MACROD2: variants seen among roughly 807,000 people sequenced by gnomAD.
MACROD2 encodes the protein ADP-ribose glycohydrolase MACROD2.
Under a neutral mutation model 70.4 loss-of-function variants are expected in MACROD2, and 36 were observed. The observed-to-expected ratio is 0.51, with a 90% CI of 0.39 to 0.68. MACROD2 has a LOEUF of 0.68. Ranked by LOEUF, MACROD2 falls within the 30% of genes least tolerant of loss-of-function variation. MACROD2 has a pLI of 0.00. For missense variants in MACROD2, 496 were observed against 538.4 expected, an observed-to-expected ratio of 0.92 and a Z score of 0.78; for synonymous variants, 172 against 178.8, an observed-to-expected ratio of 0.96 and a Z score of 0.30.
chr20:14,841,683 A>G (rs1420139174), intron 5 of MACROD2, among the ~76,000 whole-genome samples: 2 of 152,122 alleles, frequency 1.3e-5, no homozygotes, highest in Admixed American at 1.3e-4. Context: ...CTGCAAAACA[A>G]TGTTGTAAAT....
intron 8 of MACROD2, among the ~76,000 whole-genome samples, chr20:15,602,892 T>G (rs1376187015): frequency 6.6e-6 from 1 of 151,982 alleles, no homozygotes; most frequent in African/African-American, 2.4e-5. Context: ...GGAGTTCTTA[T>G]AGTTTTTTTT....
intron 5 of MACROD2, among the ~76,000 whole-genome samples, chr20:15,168,285 C>A (rs2145884260): frequency 6.6e-6 from 1 of 152,174 alleles, no homozygotes. Flanking sequence ...TCAGGTAAGT[C>A]ACTTACTTTC....
At chr20:14,390,570 A>T (rs991101045) in intron 3 of MACROD2, among the ~76,000 whole-genome samples, 2 of 152,230 alleles carry the variant, frequency 1.3e-5, no homozygotes, top group Non-Finnish European at 2.9e-5. Context: ...AACGGAATAG[A>T]GAACCCAGAG....
chr20:15,913,828 C>T (rs1260639564), intron 10 of MACROD2, among the ~76,000 whole-genome samples: 2 of 152,126 alleles, frequency 1.3e-5, no homozygotes, highest in Admixed American at 6.5e-5. Context: ...AGTGAAAGTG[C>T]TTATAGTATT....
At chr20:14,084,593 A>T (rs1387085247) in intron 2 of MACROD2, among the ~76,000 whole-genome samples, 2 of 152,208 alleles carry the variant, frequency 1.3e-5, no homozygotes, top group East Asian at 1.9e-4. Context: ...ATAAATGGAA[A>T]CTCAAGTTTA....
intron 3 of MACROD2, among the ~76,000 whole-genome samples, chr20:14,153,269 A>G (rs1246294037): frequency 6.6e-6 from 1 of 152,216 alleles, no homozygotes; most frequent in Non-Finnish European, 1.5e-5. Flanking sequence ...AGTGAGAAAT[A>G]AAAACAGTGG....
chr20:14,223,199 G>A (rs1468867607), intron 3 of MACROD2: 1 of 152,364 alleles, frequency 6.6e-6, no homozygotes, highest in Non-Finnish European at 1.5e-5. Flanking sequence ...GGGACTACTA[G>A]TTTGCCTAAT....
chr20:14,654,596 C>A, intron 4 of MACROD2, among the ~76,000 whole-genome samples: 1 of 151,676 alleles, frequency 6.6e-6, no homozygotes, highest in African/African-American at 2.4e-5. Context: ...ATTTGAACAG[C>A]AAAACCAGGT....
At chr20:15,987,219 A>T in intron 15 of MACROD2, 61 bp downstream of exon 15, 1 of 1,328,710 alleles carries the variant, frequency 7.5e-7, no homozygotes, top group Non-Finnish European at 1.1e-6. Flanking sequence ...TCCTGCCTAG[A>T]ATTCAACCAT....
intron 5 of MACROD2, among the ~76,000 whole-genome samples, chr20:14,936,219 A>C (rs1296511346): frequency 6.6e-6 from 1 of 152,220 alleles, no homozygotes; most frequent in Non-Finnish European, 1.5e-5. Flanking sequence ...TGAAAACTGA[A>C]GGTCAAGAAG....
chr20:15,602,818 G>A (rs11905075), intron 8 of MACROD2, among the ~76,000 whole-genome samples: 5,959 of 152,062 alleles, frequency 0.039, 323 homozygotes, highest in African/African-American at 0.13. Context: ...CTAAATAATT[G>A]TTGATAACCC....
At chr20:14,284,648 A>G (rs113626168) in intron 3 of MACROD2, among the ~76,000 whole-genome samples, 1 of 152,234 alleles carries the variant, frequency 6.6e-6, no homozygotes, top group Non-Finnish European at 1.5e-5. Context: ...GTGTAGCACA[A>G]AGAGGTGCAG....
At chr20:14,292,944 C>G (rs974173502) in intron 3 of MACROD2, among the ~76,000 whole-genome samples, 1 of 151,768 alleles carries the variant, frequency 6.6e-6, no homozygotes, top group South Asian at 2.1e-4. Flanking sequence ...CTCATTCATG[C>G]ATTTATTCAG....
At chr20:14,053,714 C>A (rs1034912574) in intron 2 of MACROD2, 1 of 152,002 alleles carries the variant, frequency 6.6e-6, no homozygotes, top group East Asian at 1.9e-4. Flanking sequence ...ATATTGTGGT[C>A]AATTTTCTCA....
chr20:15,209,924 A>C (rs1012440742), intron 5 of MACROD2, among the ~76,000 whole-genome samples: 2 of 152,182 alleles, frequency 1.3e-5, no homozygotes, highest in Admixed American at 6.5e-5. Flanking sequence ...ATGGTTCTCC[A>C]TAGAGTTTAT....
chr20:15,639,610 A>G (rs902532815), intron 8 of MACROD2, among the ~76,000 whole-genome samples: 3 of 152,192 alleles, frequency 2.0e-5, no homozygotes, highest in African/African-American at 7.2e-5. Context: ...ATAGTAGACC[A>G]GCCAGAGCCA....
chr20:15,684,384 A>G (rs1161519233), intron 8 of MACROD2, among the ~76,000 whole-genome samples: 19 of 152,236 alleles, frequency 1.2e-4, no homozygotes, highest in Admixed American at 1.2e-3. Flanking sequence ...GAAAATCCCC[A>G]GAGGCTCTTT....
chr20:14,063,234 CAA>C (rs1036866340), intron 2 of MACROD2, among the ~76,000 whole-genome samples: 8 of 152,206 alleles, frequency 5.3e-5, no homozygotes, highest in African/African-American at 1.2e-4. Context: ...GCTATTGTAA[CAA>C]AGAGATTTAC....
At chr20:15,393,903 C>A (rs1353119809) in intron 6 of MACROD2, among the ~76,000 whole-genome samples, 2 of 152,288 alleles carry the variant, frequency 1.3e-5, no homozygotes, top group East Asian at 3.9e-4. Context: ...GCATGTCCCC[C>A]CCATGCACAT....
Sources: gnomAD v4.1 joint callset for allele counts (sites outside exome capture counted in the v4.1 genomes callset) on GRCh38, gnomAD v4.1.1 for gene constraint, MANE v1.5 for transcripts, NCBI Gene and HGNC (gene_info 2026-07-23, HGNC 2026-07-21) for gene names.